Variants in TPGS2 observed in about 807,000 individuals in gnomAD.
The protein encoded by TPGS2 is polyglutamylase subunit 2.
Under a neutral mutation model 31.1 loss-of-function variants are expected in TPGS2, and 26 were observed. The observed-to-expected ratio is 0.84, with a 90% confidence interval of 0.61 to 1.16. The LOEUF is 1.16. Among genes scored for constraint, TPGS2 ranks in the 50% most tolerant of loss-of-function variants. The probability of loss-of-function intolerance (pLI) is 0.00; values close to 1 mark genes in which losing one functional copy is unlikely to be tolerated. For synonymous variants in TPGS2, 130 were observed against 136.6 expected, an observed-to-expected ratio of 0.95 and a Z score of 0.34; for missense variants, 351 against 363.8, an observed-to-expected ratio of 0.96 and a Z score of 0.29.
chr18:36,799,028 GAA>G (rs2044674569), intron 5 of TPGS2, among the ~76,000 whole-genome samples: 1 of 152,110 alleles, frequency 6.6e-6, no homozygotes, highest in Non-Finnish European at 1.5e-5. Flanking sequence ...TCGGTGCCAT[GAA>G]AAACAAAAAG....
chr18:36,798,117 G>A (rs2044623119), intron 6 of TPGS2: 1 of 1,102,834 alleles, frequency 9.1e-7, no homozygotes, highest in Non-Finnish European at 1.1e-6. Context: ...GAGAACAGGG[G>A]AGTGAGAATC....
intron 1 of TPGS2, among the ~76,000 whole-genome samples, chr18:36,823,347 T>C (rs1965272712): frequency 6.6e-6 from 1 of 152,194 alleles, no homozygotes. Context: ...ACTCTCGGCT[T>C]GCAGAGGCCA....
At chr18:36,789,347 G>A (rs193114752), downstream of TPGS2, 27 of 152,248 alleles carry the variant, frequency 1.8e-4, 1 homozygote, top group Admixed American at 1.3e-3. Flanking sequence ...CTGGTGGAAC[G>A]TTCTGTGATG....
intron 2 of TPGS2, 97 bp downstream of exon 2, chr18:36,818,797 C>A: frequency 1.8e-6 from 2 of 1,129,092 alleles, no homozygotes; most frequent in South Asian, 1.5e-5. Context: ...CAGCTGTGGT[C>A]TGAGTAAATA....
At chr18:36,816,765 C>T (rs531246875) in intron 2 of TPGS2, among the ~76,000 whole-genome samples, 10 of 152,292 alleles carry the variant, frequency 6.6e-5, no homozygotes, top group South Asian at 4.1e-4. Context: ...TGCACCATCA[C>T]GCCCGGCTAA....
rs755334102 is a variant in TPGS2 at position 36,795,153 on chromosome 18, C to T, written c.*1652G>A. On this transcript the variant is annotated 3_prime_UTR_variant, in exon 7 of 7. Coordinates refer to ENST00000334295, the MANE Select transcript of TPGS2 (RefSeq NM_015476.4). ...TGGTAGGTGGAGGAGATATCGAAGG[C>T]GCTTTCTCATGAATATCTATCACTA... is the stretch of plus-strand genomic sequence containing the variant. 1.7e-4 allele frequency: 171 copies of T among 985,230 alleles called. No homozygotes were observed. The highest frequency in any genetic ancestry group is 2.0e-4 in the Non-Finnish European group (163 of 829,944). The allele number at this position is 985,230 out of a possible 1,614,324, so 61.0% of individuals were successfully genotyped here. A position where few individuals can be genotyped will look rare whatever the true frequency, so the allele number is the denominator to read the frequency against.
intron 1 of TPGS2, among the ~76,000 whole-genome samples, chr18:36,827,183 T>C (rs1568037793): frequency 6.6e-6 from 1 of 152,274 alleles, no homozygotes; most frequent in South Asian, 2.1e-4. Context: ...TTGATTTTCA[T>C]ATGTTAAAAC....
chr18:36,802,508 A>G (rs2044873527), intron 4 of TPGS2, among the ~76,000 whole-genome samples: 1 of 151,940 alleles, frequency 6.6e-6, no homozygotes, highest in South Asian at 2.1e-4. Context: ...TCAAATCTAC[A>G]ATGTCACCGT....
At chr18:36,780,282 G>A, downstream of TPGS2, 2 of 979,724 alleles carry the variant, frequency 2.0e-6, no homozygotes, top group Non-Finnish European at 2.6e-6. Context: ...GGACGTGTTA[G>A]CTGTTGTTAA....
rs34742069 is a variant in TPGS2, at chr18:36,826,404, CTGTGTGTGTGTGTGTG to C, written c.85+2263_85+2278del. On this transcript the variant is annotated intron_variant, in intron 1 of 6. Transcript: ENST00000334295. ...GGATTGTTCATTGCTGGTGTATAGG[CTGTGTGTGTGTGTGTG>C]TGTGTGTGTGTGTGTGTGTGTGGAT... Among the ~76,000 whole-genome samples the C allele has an allele frequency of 6.8e-5, 10 of 146,338 alleles. 1 individual carries two copies. The highest frequency in any genetic ancestry group is 2.0e-4 in the African/African-American group (8 of 39,176).
chr18:36,781,979 A>C, downstream of TPGS2: 1 of 968,028 alleles, frequency 1.0e-6, no homozygotes, highest in Non-Finnish European at 1.2e-6. Context: ...CTTCTAAATA[A>C]CAGGTACAAT....
chr18:36,807,754 A>G, intron 3 of TPGS2, 93 bp downstream of exon 3: 1 of 1,166,702 alleles, frequency 8.6e-7, no homozygotes, highest in Non-Finnish European at 1.2e-6. Flanking sequence ...AAAACCATCC[A>G]GATTCAAAGA....
At chr18:36,793,864 A>G (rs1057017397), downstream of TPGS2, among the ~76,000 whole-genome samples, 1 of 151,738 alleles carries the variant, frequency 6.6e-6, no homozygotes, top group African/African-American at 2.4e-5. Context: ...CAGCCTCCCG[A>G]GTAGCTGGGA....
chr18:36,805,334 G>C lies in TPGS2; in HGVS notation c.382+40C>G, dbSNP rs199592671. 1,659 of 1,609,522 alleles carry C rather than the reference G, an allele frequency of 1.0e-3. 3 individuals carry two copies. Among genetic ancestry groups the C allele is most frequent in the Non-Finnish European group, 1.3e-3 (1,585 of 1,176,378 alleles). The stretch of plus-strand genomic sequence containing the variant: ...CTACTATGCGCCAGGCATGGAGCTG[G>C]ATGCTGGAAACAAAGATACCAACCT... On this transcript the variant is annotated intron_variant, in intron 4 of 6. Coordinates refer to ENST00000334295, the MANE Select transcript of TPGS2 (RefSeq NM_015476.4).
intron 5 of TPGS2, 68 bp downstream of exon 5, chr18:36,800,130 T>C: frequency 1.4e-6 from 2 of 1,425,546 alleles, no homozygotes; most frequent in African/African-American, 2.8e-5. Flanking sequence ...TCCTGAGCCA[T>C]GGCTGACAAG....
chr18:36,785,281 G>A (rs751062353), intron 6 of TPGS2, among the ~76,000 whole-genome samples: 3 of 151,960 alleles, frequency 2.0e-5, no homozygotes, highest in South Asian at 2.1e-4. Context: ...CCTGGGTAAC[G>A]AGTGAAACTC....
chr18:36,826,300 C>T (rs1362751561), intron 1 of TPGS2, among the ~76,000 whole-genome samples: 1 of 152,154 alleles, frequency 6.6e-6, no homozygotes, highest in East Asian at 1.9e-4. Context: ...GTTGGGATTA[C>T]AGGTGTGAGC....
rs1568000278 is a variant in TPGS2 at position 36,796,784 on chromosome 18, G to A, written c.*21C>T. On this transcript the variant is annotated 3_prime_UTR_variant, in exon 7 of 7. Coordinates refer to ENST00000334295, the MANE Select transcript of TPGS2 (RefSeq NM_015476.4). ...GGAAACCACCACTCTGGAGCTGGTAGGGAGTTGGAGGGAGGGGTGCTCACT... is the reference window on the plus strand; with the variant it reads ...GGAAACCACCACTCTGGAGCTGGTAAGGAGTTGGAGGGAGGGGTGCTCACT... 6.3e-7 allele frequency: 1 copy of A among 1,584,464 alleles called. No homozygotes were observed.
chr18:36,820,238 A>G (rs1202141427), intron 1 of TPGS2, among the ~76,000 whole-genome samples: 3 of 152,220 alleles, frequency 2.0e-5, no homozygotes, highest in Admixed American at 2.0e-4. Context: ...TTCAGTAAGT[A>G]AAAATAGACC....
Sources: allele counts gnomAD v4.1 joint callset (sites outside exome capture counted in the v4.1 genomes callset), GRCh38; gene constraint gnomAD v4.1.1; transcripts MANE v1.5; gene names NCBI Gene and HGNC (gene_info 2026-07-23, HGNC 2026-07-21).